The following PCDHA3 variants were observed in gnomAD, a reference collection of about 807,000 sequenced individuals.
PCDHA3 encodes the protein protocadherin alpha-3.
PCDHA3 carries 41 observed loss-of-function variants against 62.2 expected under a neutral mutation model. The observed-to-expected ratio is 0.66, with a 90% CI of 0.51 to 0.86. The LOEUF (loss-of-function observed/expected upper bound fraction) is 0.86. Ranked by LOEUF, PCDHA3 falls within the 40% of genes least tolerant of loss-of-function variation. The pLI, the probability that PCDHA3 is intolerant of heterozygous loss-of-function variation, is 0.00. For synonymous variants in PCDHA3, 640 were observed against 555.4 expected, an observed-to-expected ratio of 1.15 and a Z score of -2.14; for missense variants, 1,304 against 1,241.2, an observed-to-expected ratio of 1.05 and a Z score of -0.76.
rs2150125667 is a variant in PCDHA3 at position 140,823,416 on chromosome 5, C to A, written c.2394+19825C>A. 4 of 1,613,276 alleles carry A rather than the reference C, an allele frequency of 2.5e-6. No individual in the cohort carries two copies. The highest frequency in any genetic ancestry group is 3.4e-6 in the Non-Finnish European group (4 of 1,179,816). On this transcript the variant is annotated intron_variant, in intron 1 of 3. Transcript: ENST00000522353. ...CGGGCGTGCCGCCTCTGGGCAGCAA[C>A]GTGACGCTGCAGGTGTTCGTGCTGG...
chr5:140,985,955 G>A (rs1284756138), intron 3 of PCDHA3, among the ~76,000 whole-genome samples: 1 of 151,674 alleles, frequency 6.6e-6, no homozygotes, highest in Non-Finnish European at 1.5e-5. Flanking sequence ...TAGCCAGGAT[G>A]GTCTCAATCT....
In PCDHA3 at chr5:141,011,200, A is replaced by C. The variant is rs1242625146; in HGVS notation, c.*1263A>C. 6.5e-6 allele frequency: 1 copy of C among 153,774 alleles called. No individual in the cohort carries two copies. Among genetic ancestry groups the C allele is most frequent in the Non-Finnish European group, 1.5e-5 (1 of 68,036 alleles). The allele number at this position is 153,774 out of a possible 1,614,324, so 9.5% of individuals were successfully genotyped here. ...AATTGAAGAAAAATATTGTTTTCTCATACAGTGAGCAGATTTTTCAATCTA... is the reference window on the plus strand; with the variant it reads ...AATTGAAGAAAAATATTGTTTTCTCCTACAGTGAGCAGATTTTTCAATCTA... On this transcript the variant is annotated 3_prime_UTR_variant, in exon 4 of 4. Transcript: ENST00000522353.
intron 1 of PCDHA3, among the ~76,000 whole-genome samples, chr5:140,839,422 C>T (rs1398340134): frequency 1.3e-5 from 2 of 151,902 alleles, no homozygotes; most frequent in Non-Finnish European, 2.9e-5. Flanking sequence ...CAGGGTCTCA[C>T]TCTGTAGCCC....
intron 1 of PCDHA3, chr5:140,816,448 T>C (rs2126671757): frequency 6.6e-6 from 1 of 152,334 alleles, no homozygotes; most frequent in East Asian, 1.9e-4. Context: ...TTATTTTGAA[T>C]ACTTTGTCAA....
At chr5:140,896,191 C>T (rs987655303) in intron 1 of PCDHA3, among the ~76,000 whole-genome samples, 1 of 152,184 alleles carries the variant, frequency 6.6e-6, no homozygotes, top group African/African-American at 2.4e-5. Flanking sequence ...GTGAATAGTG[C>T]CATGATGAAC....
In PCDHA3 at chr5:141,010,893, A is replaced by G. The variant is rs76323061; in HGVS notation, c.*956A>G. On this transcript the variant is annotated 3_prime_UTR_variant, in exon 4 of 4. Transcript: ENST00000522353. ...TAAATCTTTAAAGAGAAATATGAAT[A>G]CAATTCCCCTAAACTCTCCTCAAAA... is the stretch of plus-strand genomic sequence containing the variant. 0.018 allele frequency: 2,808 copies of G among 153,906 alleles called. 48 individuals are homozygous for G. The highest frequency in any genetic ancestry group is 0.029 in the Non-Finnish European group (1,995 of 68,040). 9.5% of individuals were successfully genotyped at this position (153,906 alleles called of 1,614,324 possible).
chr5:140,858,392 G>T, intron 1 of PCDHA3: 1 of 1,579,080 alleles, frequency 6.3e-7, no homozygotes, highest in Non-Finnish European at 8.7e-7. Context: ...AATGGTAGAT[G>T]TGGACGGGGA....
chr5:140,869,614 A>T lies in PCDHA3; in HGVS notation c.2394+66023A>T, dbSNP rs1554163296. ...TGAAGAGAATGCTCTATTGACCTACAGGCTAAGTAAAAATGAGTATTTTTC... is the reference window on the plus strand; with the variant it reads ...TGAAGAGAATGCTCTATTGACCTACTGGCTAAGTAAAAATGAGTATTTTTC... On this transcript the variant is annotated intron_variant, in intron 1 of 3. Transcript: ENST00000522353. 2 of 1,613,940 alleles carry T rather than the reference A, an allele frequency of 1.2e-6. No homozygotes were observed. The highest frequency in any genetic ancestry group is 4.5e-5 in the East Asian group (2 of 44,886).
intron 1 of PCDHA3, chr5:140,868,962 A>G (rs1554162350): frequency 1.4e-5 from 20 of 1,421,940 alleles, no homozygotes; most frequent in Non-Finnish European, 3.8e-6. Flanking sequence ...CTCCCATACA[A>G]AGGAACTCCA....
At chr5:140,835,933 T>C (rs1774056119) in intron 1 of PCDHA3, 1 of 1,612,410 alleles carries the variant, frequency 6.2e-7, no homozygotes, top group Non-Finnish European at 8.5e-7. Context: ...AGCGGCAAGG[T>C]GTACGCGCTG....
At chr5:140,990,007 C>T (rs1188956345) in intron 3 of PCDHA3, among the ~76,000 whole-genome samples, 2 of 151,870 alleles carry the variant, frequency 1.3e-5, no homozygotes, top group African/African-American at 2.4e-5. Flanking sequence ...TCTCCAAGGG[C>T]GTGGGCTAGG....
intron 1 of PCDHA3, chr5:140,824,092 C>A: frequency 6.2e-7 from 1 of 1,614,146 alleles, no homozygotes; most frequent in African/African-American, 1.3e-5. Context: ...GGCCTTCAGT[C>A]CAAGCCTTCC....
At chr5:140,871,310 C>A (rs2052956862) in intron 1 of PCDHA3, 1 of 1,613,930 alleles carries the variant, frequency 6.2e-7, no homozygotes, top group South Asian at 1.1e-5. Flanking sequence ...CCGGGGAAGC[C>A]CACGCTGGTG....
At chr5:140,971,715 T>C (rs2096493906) in intron 1 of PCDHA3, among the ~76,000 whole-genome samples, 1 of 152,048 alleles carries the variant, frequency 6.6e-6, no homozygotes. Context: ...TATATAGATA[T>C]ATGTATATCA....
intron 1 of PCDHA3, among the ~76,000 whole-genome samples, chr5:140,952,668 T>C (rs960968372): frequency 6.6e-6 from 1 of 152,234 alleles, no homozygotes. Context: ...CAAAGTCACT[T>C]TCACATTTTC....
chr5:140,921,233 T>C lies in PCDHA3; in HGVS notation c.2395-57716T>C, dbSNP rs1431130539. 2.6e-5 allele frequency among the ~76,000 whole-genome samples: 4 copies of C among 152,162 alleles called. No individual in the cohort carries two copies. The East Asian group carries it at 5.8e-4, about 22-fold the overall frequency. ...TTCACGTCTTTTTTGCTAGATGATATTAAGCCACAGATCAAAAAGTCCTAG... is the reference window on the plus strand; with the variant it reads ...TTCACGTCTTTTTTGCTAGATGATACTAAGCCACAGATCAAAAAGTCCTAG... On this transcript the variant is annotated intron_variant, in intron 1 of 3. Coordinates refer to ENST00000522353, the MANE Select transcript of PCDHA3 (RefSeq NM_018906.3).
At chr5:140,868,909 T>C (rs2050732260) in intron 1 of PCDHA3, 3 of 886,670 alleles carry the variant, frequency 3.4e-6, no homozygotes, top group Non-Finnish European at 5.0e-6. Context: ...CGCTCTTTAC[T>C]TGGTGGAAAG....
At chr5:140,958,375 T>A (rs1554223446) in intron 1 of PCDHA3, among the ~76,000 whole-genome samples, 1 of 152,162 alleles carries the variant, frequency 6.6e-6, no homozygotes, top group Non-Finnish European at 1.5e-5. Flanking sequence ...AATGTTGCTA[T>A]TTTCTTAACA....
chr5:140,871,413 C>T (rs2053063966), intron 1 of PCDHA3: 5 of 1,613,884 alleles, frequency 3.1e-6, no homozygotes, highest in Admixed American at 1.7e-5. Context: ...ACCTCATGGC[C>T]TTCAGCCCCA....
Sources: gnomAD v4.1 joint callset for allele counts (sites outside exome capture counted in the v4.1 genomes callset) on GRCh38, gnomAD v4.1.1 for gene constraint, MANE v1.5 for transcripts, NCBI Gene and HGNC (gene_info 2026-07-23, HGNC 2026-07-21) for gene names.